TUSC3: variants seen among roughly 807,000 people sequenced by gnomAD.
The protein encoded by TUSC3 is tumor suppressor candidate 3.
TUSC3 carries 45 observed loss-of-function variants against 44.8 expected under a neutral mutation model. That is an observed-to-expected ratio of 1.00 (90% confidence interval 0.79 to 1.29). The LOEUF is 1.29. Ranked by LOEUF, TUSC3 falls within the 50% of genes most tolerant of loss-of-function variation. TUSC3 has a pLI of 0.00. For synonymous variants in TUSC3, 212 were observed against 152.9 expected (o/e 1.39, Z -2.85); for missense variants, 519 against 437.9 (o/e 1.19, Z -1.65).
intron 1 of TUSC3, among the ~76,000 whole-genome samples, chr8:15,437,287 AG>A (rs1291275605): frequency 6.6e-6 from 1 of 152,208 alleles, no homozygotes; most frequent in Non-Finnish European, 1.5e-5. Flanking sequence ...ATCAGATAAA[AG>A]CAAAAGGGGT....
Position 15,659,217 on chromosome 8 carries a change from G to A in TUSC3, c.427-290G>A, listed in dbSNP as rs192005339. Among the ~76,000 whole-genome samples the A allele has an allele frequency of 2.4e-4, 37 of 151,828 alleles. No individual in the cohort carries two copies. The East Asian group carries it at 6.4e-3, about 26-fold the overall frequency. ...GTCACTTTTTTTTACCCTAATTATA[G>A]AATTCAAGAAAGAAAAAGAACGAAA... is the stretch of plus-strand genomic sequence containing the variant. On this transcript the variant is annotated intron_variant, in intron 3 of 10. Transcript: ENST00000503731.
In TUSC3 at chr8:15,651,909, A is replaced by C. The variant is rs190578312; in HGVS notation, c.426+1095A>C. On this transcript the variant is annotated intron_variant, in intron 3 of 10. Coordinates refer to ENST00000503731, the MANE Select transcript of TUSC3 (RefSeq NM_006765.4). Reference sequence around the variant, plus strand: ...CTTATGTCCAGGCACTGTTCAACTTATGTATTATTTCATCTAGCTTCACAG... The same window carrying C: ...CTTATGTCCAGGCACTGTTCAACTTCTGTATTATTTCATCTAGCTTCACAG... Among the ~76,000 whole-genome samples, 464 of 152,274 alleles carry C rather than the reference A, an allele frequency of 3.0e-3. 2 individuals are homozygous for C. Among genetic ancestry groups the C allele is most frequent in the Middle Eastern group, 6.8e-3 (2 of 294 alleles).
At chr8:15,573,226 AT>A (rs1802958375) in intron 1 of TUSC3, among the ~76,000 whole-genome samples, 3 of 132,698 alleles carry the variant, frequency 2.3e-5, no homozygotes, top group Admixed American at 7.4e-5. Context: ...ATATATATAT[AT>A]ATAAAAGTTT....
intron 1 of TUSC3, 69 bp from the exon 2 acceptor site, chr8:15,623,011 C>T (rs1805321101): frequency 9.0e-6 from 13 of 1,448,750 alleles, no homozygotes; most frequent in Non-Finnish European, 1.0e-5. Context: ...ACATTTTATG[C>T]ATTTATATGA....
Position 15,675,050 on chromosome 8 carries a change from C to G in TUSC3, c.798+1214C>G, listed in dbSNP as rs957889190. On this transcript the variant is annotated intron_variant, in intron 6 of 10. Coordinates refer to ENST00000503731, the MANE Select transcript of TUSC3 (RefSeq NM_006765.4). The stretch of plus-strand genomic sequence containing the variant: ...TTTATTTTTTCTCCACAGTACTTGT[C>G]ACCTTACAGTATGCTACATAATTTA... Among the ~76,000 whole-genome samples, 16 of 152,084 alleles carry G rather than the reference C, an allele frequency of 1.1e-4. 3 individuals carry two copies. In the South Asian group the frequency reaches 1.7e-3, roughly 16 times the overall value.
chr8:15,755,056 C>T (rs758318266), intron 9 of TUSC3, among the ~76,000 whole-genome samples: 1 of 151,964 alleles, frequency 6.6e-6, no homozygotes, highest in African/African-American at 2.4e-5. Context: ...TAAATCTTCC[C>T]CTAAAGTTTA....
the TUSC3 span, among the ~76,000 whole-genome samples, chr8:15,823,832 G>A: frequency 7.2e-5 from 11 of 152,100 alleles, no homozygotes; most frequent in Non-Finnish European, 8.8e-5. Context: ...ATTGGTATAT[G>A]AGCAGTAAAT....
At chr8:15,650,638 C>G in intron 2 of TUSC3, 59 bp from the exon 3 acceptor site, 1 of 1,463,666 alleles carries the variant, frequency 6.8e-7, no homozygotes, top group Non-Finnish European at 9.6e-7. Context: ...GTTTTAATAA[C>G]TGCTTTGTAG....
chr8:15,668,557 T>C (rs1484314481), intron 5 of TUSC3, among the ~76,000 whole-genome samples: 1 of 151,720 alleles, frequency 6.6e-6, no homozygotes, highest in Non-Finnish European at 1.5e-5. Flanking sequence ...GGAAGGTAAA[T>C]CAGATATGTA....
intron 6 of TUSC3, chr8:15,689,184 GC>G: frequency 2.7e-6 from 1 of 372,852 alleles, no homozygotes. Context: ...CGGAGAATAA[GC>G]AGCAAGGGCT....
the TUSC3 span, among the ~76,000 whole-genome samples, chr8:15,847,373 G>A: frequency 2.0e-5 from 3 of 152,214 alleles, no homozygotes; most frequent in African/African-American, 7.2e-5. Flanking sequence ...AGCCTCTTGT[G>A]ATTTTGCAAA....
intron 1 of TUSC3, among the ~76,000 whole-genome samples, chr8:15,605,882 C>T (rs968058869): frequency 2.0e-5 from 3 of 151,950 alleles, no homozygotes; most frequent in African/African-American, 7.2e-5. Context: ...AGCTGCATTC[C>T]GTTGCTATTA....
chr8:15,781,435 A>G, the TUSC3 span, among the ~76,000 whole-genome samples: 1 of 152,200 alleles, frequency 6.6e-6, no homozygotes, highest in Non-Finnish European at 1.5e-5. Context: ...GAGATATAAC[A>G]CAATTAAACT....
At chr8:15,648,217 T>A (rs1806715382) in intron 2 of TUSC3, among the ~76,000 whole-genome samples, 1 of 152,186 alleles carries the variant, frequency 6.6e-6, no homozygotes, top group Non-Finnish European at 1.5e-5. Context: ...CTAACATTGG[T>A]GTTTTATTTG....
At chr8:15,649,620 C>T (rs1241273579) in intron 2 of TUSC3, among the ~76,000 whole-genome samples, 1 of 151,606 alleles carries the variant, frequency 6.6e-6, no homozygotes, top group Non-Finnish European at 1.5e-5. Flanking sequence ...ATTATGACAT[C>T]TGTTTTTAGC....
chr8:15,448,572 T>G (rs549187548), intron 1 of TUSC3, among the ~76,000 whole-genome samples: 2 of 152,326 alleles, frequency 1.3e-5, no homozygotes, highest in African/African-American at 4.8e-5. Context: ...AAGTGTATGA[T>G]GTAGAAGATT....
At chr8:15,720,825 A>G (rs929138464) in intron 6 of TUSC3, among the ~76,000 whole-genome samples, 1 of 152,148 alleles carries the variant, frequency 6.6e-6, no homozygotes, top group Non-Finnish European at 1.5e-5. Context: ...GGCAGTGACC[A>G]CAAATAAATA....
At chr8:15,586,797 G>C (rs985655009) in intron 1 of TUSC3, among the ~76,000 whole-genome samples, 2 of 152,136 alleles carry the variant, frequency 1.3e-5, no homozygotes, top group African/African-American at 4.8e-5. Flanking sequence ...GTGTTTAAGG[G>C]ATAACAGCAT....
intron 2 of TUSC3, among the ~76,000 whole-genome samples, chr8:15,634,580 G>C (rs745650227): frequency 2.0e-5 from 3 of 152,192 alleles, no homozygotes; most frequent in Non-Finnish European, 4.4e-5. Flanking sequence ...AGACCCCACT[G>C]GTTGAAGATG....
Sources: allele counts gnomAD v4.1 joint callset (sites outside exome capture counted in the v4.1 genomes callset), GRCh38; gene constraint gnomAD v4.1.1; transcripts MANE v1.5; gene names NCBI Gene and HGNC (gene_info 2026-07-23, HGNC 2026-07-21).